Variants in CTTNBP2 observed in about 807,000 individuals in gnomAD.
CTTNBP2 encodes the protein cortactin-binding protein 2.
Under a neutral mutation model 156.9 loss-of-function variants are expected in CTTNBP2, and 108 were observed. That is an observed-to-expected ratio of 0.69 (90% confidence interval 0.59 to 0.81). CTTNBP2 has a LOEUF of 0.81. Ranked by LOEUF, CTTNBP2 falls within the 30% of genes least tolerant of loss-of-function variation. The pLI is 0.00. For missense variants in CTTNBP2, 1,924 were observed against 2,035.4 expected (o/e 0.95, Z 1.05); for synonymous variants, 767 against 751.8 (o/e 1.02, Z -0.33).
intron 14 of CTTNBP2, among the ~76,000 whole-genome samples, chr7:117,740,488 T>C (rs996899813): frequency 3.9e-5 from 6 of 152,078 alleles, no homozygotes; most frequent in Admixed American, 2.0e-4. Flanking sequence ...GGCTCTCTCT[T>C]TAGAGAAAAT....
intron 12 of CTTNBP2, among the ~76,000 whole-genome samples, chr7:117,749,619 G>T (rs1253558557): frequency 6.6e-6 from 1 of 152,216 alleles, no homozygotes; most frequent in Non-Finnish European, 1.5e-5. Flanking sequence ...ACTCCTGGGA[G>T]TGGAGAAGAA....
intron 22 of CTTNBP2, chr7:117,715,642 C>G (rs1220616577): frequency 1.3e-5 from 2 of 152,030 alleles, no homozygotes; most frequent in Admixed American, 1.3e-4. Context: ...ATTCAGAAGG[C>G]CTGCTAAATG....
At chr7:117,773,149 T>C (rs966714774) in intron 8 of CTTNBP2, among the ~76,000 whole-genome samples, 3 of 152,240 alleles carry the variant, frequency 2.0e-5, no homozygotes, top group Non-Finnish European at 4.4e-5. Context: ...CCTAATCTAA[T>C]GTTCTCTCTT....
chr7:117,868,348 T>C (rs2117291032), intron 1 of CTTNBP2, among the ~76,000 whole-genome samples: 1 of 152,290 alleles, frequency 6.6e-6, no homozygotes, highest in Admixed American at 6.5e-5. Flanking sequence ...CAATGAAATA[T>C]AAAAATGTCA....
At chr7:117,757,444 C>A (rs1796942282) in intron 11 of CTTNBP2, among the ~76,000 whole-genome samples, 1 of 141,570 alleles carries the variant, frequency 7.1e-6, no homozygotes, top group African/African-American at 2.6e-5. Flanking sequence ...ATGCTATAAA[C>A]AACAGGGTCT....
intron 2 of CTTNBP2, among the ~76,000 whole-genome samples, chr7:117,842,883 C>G (rs2117144415): frequency 6.6e-6 from 1 of 152,312 alleles, no homozygotes; most frequent in East Asian, 1.9e-4. Context: ...TATGACAGAG[C>G]AGTGAACAGA....
chr7:117,799,396 A>G (rs757894892), intron 3 of CTTNBP2, among the ~76,000 whole-genome samples: 4 of 152,014 alleles, frequency 2.6e-5, no homozygotes, highest in Non-Finnish European at 5.9e-5. Context: ...TTAAAAGATA[A>G]AAGAGAAACA....
Position 117,735,254 on chromosome 7 carries a change from C to G in CTTNBP2, c.3688+15G>C. 6.2e-7 allele frequency: 1 copy of G among 1,611,216 alleles called. No individual in the cohort carries two copies. The highest frequency in any genetic ancestry group is 8.5e-7 in the Non-Finnish European group (1 of 1,179,438). The stretch of plus-strand genomic sequence containing the variant: ...AGAAGCTTGCTTCTCAGCATGGTCC[C>G]TTTATTAGCGTTACCTTTTTGGAAA... On this transcript the variant is annotated intron_variant, in intron 15 of 22. Coordinates refer to ENST00000160373, the MANE Select transcript of CTTNBP2 (RefSeq NM_033427.3).
At position 117,777,741 on chromosome 7, in the gene CTTNBP2, CTGCG is replaced by C. The variant is rs780682536; in HGVS notation, c.2544_2547del (p.His848GlnfsTer81). On this transcript the variant is annotated frameshift_variant, in exon 8 of 23. Coordinates refer to ENST00000160373, the MANE Select transcript of CTTNBP2 (RefSeq NM_033427.3). LOFTEE classifies it high-confidence loss of function. Reference sequence around the variant, plus strand: ...CTGTCCACATTACCAGTGTCCACAGCTGCGTGAACTGGTGTCCAGCCATCCTGAA... The same window carrying C: ...CTGTCCACATTACCAGTGTCCACAGCTGAACTGGTGTCCAGCCATCCTGAA... 5.0e-6 allele frequency: 8 copies of C among 1,610,340 alleles called. No homozygotes were observed. The highest frequency in any genetic ancestry group is 6.8e-6 in the Non-Finnish European group (8 of 1,176,854).
At chr7:117,719,412 A>G (rs1169864826) in intron 21 of CTTNBP2, 92 bp downstream of exon 21, 3 of 1,210,194 alleles carry the variant, frequency 2.5e-6, no homozygotes, top group African/African-American at 1.5e-5. Context: ...CCATACTATC[A>G]ATAAGGAATT....
At chr7:117,858,949 T>G (rs1803516013) in intron 2 of CTTNBP2, among the ~76,000 whole-genome samples, 1 of 152,162 alleles carries the variant, frequency 6.6e-6, no homozygotes, top group Admixed American at 6.5e-5. Context: ...CAGGATTCTT[T>G]TGCAACTATT....
At position 117,780,728 on chromosome 7, in the gene CTTNBP2, AATT is replaced by A. The variant is rs1798384635; in HGVS notation, c.2373-140_2373-138del. 6.8e-6 allele frequency: 3 copies of A among 441,248 alleles called. No individual in the cohort carries two copies. The South Asian group carries it at 2.1e-4, about 30-fold the overall frequency. 27.3% of individuals were successfully genotyped at this position (441,248 alleles called of 1,614,324 possible). Reference sequence around the variant, plus strand: ...TCAATTGTTTCTATTTACATATATCAATTATTATGGATCTTATTACATGACTAC... The same window carrying A: ...TCAATTGTTTCTATTTACATATATCAATTATGGATCTTATTACATGACTAC... On this transcript the variant is annotated intron_variant, in intron 6 of 22. Transcript: ENST00000160373.
chr7:117,840,619 A>T (rs1401482853), intron 2 of CTTNBP2, among the ~76,000 whole-genome samples: 1 of 152,246 alleles, frequency 6.6e-6, no homozygotes, highest in Non-Finnish European at 1.5e-5. Context: ...ATTGTAAAGC[A>T]CATACGCATT....
chr7:117,873,313 C>T, intron 1 of CTTNBP2, 22 bp downstream of exon 1: 2 of 1,426,010 alleles, frequency 1.4e-6, no homozygotes, highest in South Asian at 1.4e-5. Flanking sequence ...TAGCCCCGCG[C>T]CCGCCCCGGG....
intron 20 of CTTNBP2, among the ~76,000 whole-genome samples, chr7:117,720,513 G>T (rs1195101944): frequency 6.6e-6 from 1 of 152,082 alleles, no homozygotes; most frequent in African/African-American, 2.4e-5. Flanking sequence ...GGCCAACATG[G>T]TGAAACGCCG....
chr7:117,729,683 T>C (rs1356775449), intron 16 of CTTNBP2, among the ~76,000 whole-genome samples: 5 of 152,292 alleles, frequency 3.3e-5, no homozygotes, highest in African/African-American at 9.6e-5. Flanking sequence ...TTTTTTTTCT[T>C]TTGAATTTTA....
At chr7:117,846,555 T>C (rs769387583) in intron 2 of CTTNBP2, among the ~76,000 whole-genome samples, 6 of 151,896 alleles carry the variant, frequency 4.0e-5, no homozygotes, top group East Asian at 1.9e-4. Flanking sequence ...TCATTGTTCA[T>C]GTACCAAAAG....
intron 3 of CTTNBP2, among the ~76,000 whole-genome samples, chr7:117,801,763 G>GA (rs1488991680): frequency 1.3e-5 from 2 of 151,834 alleles, no homozygotes; most frequent in East Asian, 3.9e-4. Context: ...AAAGGAGAAG[G>GA]AAAAAATAAA....
rs758364822 is a variant in CTTNBP2 at position 117,791,407 on chromosome 7, C to T, written c.1789G>A (p.Val597Met). Residue 597 changes from valine (V) to methionine (M), a missense_variant, in exon 4 of 23, where the codon GTG (valine) becomes ATG (methionine). Coordinates refer to ENST00000160373, the MANE Select transcript of CTTNBP2 (RefSeq NM_033427.3). ...TPSSLPQGNR[V>M]INEENLPKSS... ...TTAGGAAGGTTCTCCTCATTGATCA[C>T]CCTGTTCCCTTGTGGCAAACTGGAA... The T allele has an allele frequency of 1.2e-6, 2 of 1,614,178 alleles. No homozygotes were observed. Among genetic ancestry groups the T allele is most frequent in the Non-Finnish European group, 1.7e-6 (2 of 1,180,044 alleles).
Sources: gnomAD v4.1 joint callset for allele counts (sites outside exome capture counted in the v4.1 genomes callset) on GRCh38, gnomAD v4.1.1 for gene constraint, MANE v1.5 for transcripts, NCBI Gene and HGNC (gene_info 2026-07-23, HGNC 2026-07-21) for gene names.